The following CSPP1 variants were observed in gnomAD, a reference collection of about 807,000 sequenced individuals.
CSPP1 encodes centrosome and spindle pole-associated protein 1.
A neutral mutation model predicts 164.4 loss-of-function variants in CSPP1; 126 were observed. The observed-to-expected ratio is 0.77, with a 90% CI of 0.66 to 0.89. CSPP1 has a LOEUF of 0.89. Ranked by LOEUF, CSPP1 falls within the 40% of genes least tolerant of loss-of-function variation. The pLI is 0.00. For missense variants in CSPP1, 1,395 were observed against 1,449.8 expected, an observed-to-expected ratio of 0.96 and a Z score of 0.61; for synonymous variants, 472 against 476.7, an observed-to-expected ratio of 0.99 and a Z score of 0.13.
chr8:67,087,022 A>G (rs952432599), intron 4 of CSPP1, among the ~76,000 whole-genome samples: 9 of 151,968 alleles, frequency 5.9e-5, no homozygotes, highest in Non-Finnish European at 1.3e-4. Context: ...CTTTTAGCAG[A>G]TGACAGCATA....
At chr8:67,091,966 C>A in intron 5 of CSPP1, 83 bp downstream of exon 5, 1 of 357,330 alleles carries the variant, frequency 2.8e-6, no homozygotes, top group South Asian at 2.8e-5. Context: ...GATTTAAATG[C>A]AAATGGAAGA....
chr8:67,159,996 C>CTTTTCTTTTCTTTTCTTTTCTTTTCTT (rs1827907314), intron 21 of CSPP1, among the ~76,000 whole-genome samples: 1 of 70,518 alleles, frequency 1.4e-5, no homozygotes, highest in Non-Finnish European at 2.4e-5. Context: ...CTTTTCTTTT[C>CTTTTCTTTTCTTTTCTTTTCTTTTCTT]TTTTCTTTTC....
chr8:67,132,895 T>G (rs2129554324), intron 16 of CSPP1, among the ~76,000 whole-genome samples: 1 of 152,354 alleles, frequency 6.6e-6, no homozygotes. Context: ...GAGAGGACCC[T>G]GGGACTCTAA....
intron 30 of CSPP1, among the ~76,000 whole-genome samples, chr8:67,194,395 G>GGT (rs1387053618): frequency 6.6e-6 from 1 of 152,036 alleles, no homozygotes; most frequent in Non-Finnish European, 1.5e-5. Context: ...TAGCAGTCAA[G>GGT]GTGTGGTGTG....
At chr8:67,091,127 C>A (rs769869108) in intron 4 of CSPP1, among the ~76,000 whole-genome samples, 4 of 152,090 alleles carry the variant, frequency 2.6e-5, no homozygotes, top group Non-Finnish European at 5.9e-5. Context: ...GGTAGGTAGG[C>A]AGAGCAGGTA....
In CSPP1 at chr8:67,076,077, T is replaced by G. The variant is rs1342504823; in HGVS notation, c.100-405T>G. 2.0e-5 allele frequency among the ~76,000 whole-genome samples: 3 copies of G among 152,228 alleles called. No individual in the cohort carries two copies. In the East Asian group the frequency reaches 5.8e-4, roughly 29 times the overall value. On this transcript the variant is annotated intron_variant, in intron 2 of 30. Coordinates refer to ENST00000678616, the MANE Select transcript of CSPP1 (RefSeq NM_001382391.1). ...CCCAGCATTTCTGGGCCTCCTTACT[T>G]TAATCTGCTTTTTTTTTTTTCCATA...
intron 13 of CSPP1, among the ~76,000 whole-genome samples, chr8:67,116,423 T>C (rs1280972941): frequency 1.3e-5 from 2 of 152,242 alleles, no homozygotes; most frequent in African/African-American, 4.8e-5. Flanking sequence ...TTTTAACATA[T>C]AAAAGTTGTA....
chr8:67,089,947 C>T (rs1159046922), intron 4 of CSPP1, among the ~76,000 whole-genome samples: 1 of 151,716 alleles, frequency 6.6e-6, no homozygotes, highest in East Asian at 1.9e-4. Context: ...AGCCACCACT[C>T]CCTGCCTATG....
chr8:67,167,046 G>A (rs142778807), intron 24 of CSPP1, among the ~76,000 whole-genome samples: 2,102 of 152,252 alleles, frequency 0.014, 18 homozygotes, highest in Middle Eastern at 0.044. Flanking sequence ...TGGGGGTAAG[G>A]TCATAGATCA....
intron 7 of CSPP1, 145 bp from the exon 8 acceptor site, chr8:67,102,892 T>C: frequency 2.1e-6 from 1 of 465,944 alleles, no homozygotes. Flanking sequence ...AAATTCTATT[T>C]AATTTTATAA....
At chr8:67,095,769 A>G (rs1812616120) in intron 7 of CSPP1, 37 bp downstream of exon 7, 1 of 1,198,358 alleles carries the variant, frequency 8.3e-7, no homozygotes, top group South Asian at 1.5e-5. Flanking sequence ...TTTGCTTAAT[A>G]TAGCAAATTA....
intron 13 of CSPP1, 142 bp downstream of exon 13, chr8:67,116,264 A>AT: frequency 3.3e-6 from 2 of 606,836 alleles, no homozygotes; most frequent in East Asian, 5.5e-5. Context: ...TTCTCTTGAA[A>AT]TTTGTTTTTT....
At chr8:67,126,783 TGTC>T (rs1820157935) in intron 15 of CSPP1, among the ~76,000 whole-genome samples, 1 of 152,162 alleles carries the variant, frequency 6.6e-6, no homozygotes, top group African/African-American at 2.4e-5. Context: ...TTAATTTTAT[TGTC>T]AGTCTTTTGC....
chr8:67,076,650 T>TC, intron 3 of CSPP1, 69 bp downstream of exon 3: 1 of 865,518 alleles, frequency 1.2e-6, no homozygotes, highest in Non-Finnish European at 1.8e-6. Flanking sequence ...GAGGTTTGTC[T>TC]TGTCAGAAAA....
In CSPP1 at chr8:67,064,492, CCT is replaced by C. The variant is rs775033977; in HGVS notation, c.-56_-55del. 6.2e-7 allele frequency: 1 copy of C among 1,613,746 alleles called. No individual in the cohort carries two copies. The highest frequency in any genetic ancestry group is 2.2e-5 in the East Asian group (1 of 44,850). On this transcript the variant is annotated 5_prime_UTR_variant, in exon 1 of 31. It removes the in-frame stop codon of an upstream open reading frame in the 5' UTR. Coordinates refer to ENST00000678616, the MANE Select transcript of CSPP1 (RefSeq NM_001382391.1). ...GTCTCCCCGGACGCGAGCCCGCTCC[CCT>C]GAGTAAGAGTCAGCCAGCCGCGGAT...
At chr8:67,192,040 T>G (rs919647915) in intron 29 of CSPP1, among the ~76,000 whole-genome samples, 2 of 151,964 alleles carry the variant, frequency 1.3e-5, no homozygotes, top group South Asian at 2.1e-4. Flanking sequence ...TTAGGAGATA[T>G]GTCTATTCAA....
intron 1 of CSPP1, 72 bp downstream of exon 1, chr8:67,064,610 A>T: frequency 8.7e-7 from 1 of 1,151,620 alleles, no homozygotes. Context: ...GAGCGGGGGC[A>T]GGGGCAGTGG....
chr8:67,157,064 A>T (rs1586585503), intron 19 of CSPP1, among the ~76,000 whole-genome samples: 1 of 151,430 alleles, frequency 6.6e-6, no homozygotes, highest in Non-Finnish European at 1.5e-5. Context: ...TGTGAATGTG[A>T]TTTTTTTTTC....
At chr8:67,149,300 A>G (rs1244601022) in intron 17 of CSPP1, among the ~76,000 whole-genome samples, 2 of 152,212 alleles carry the variant, frequency 1.3e-5, no homozygotes, top group East Asian at 3.8e-4. Context: ...GAAGTGAGTT[A>G]TTAACTCTGG....
Sources: allele counts gnomAD v4.1 joint callset (sites outside exome capture counted in the v4.1 genomes callset), GRCh38; gene constraint gnomAD v4.1.1; transcripts MANE v1.5; gene names NCBI Gene and HGNC (gene_info 2026-07-23, HGNC 2026-07-21).